The following VPS13B variants were observed in gnomAD, a reference collection of about 807,000 sequenced individuals.
VPS13B encodes vacuolar protein sorting 13 homolog B, also known as intermembrane lipid transfer protein VPS13B.
In VPS13B, 285 loss-of-function variants were observed where a neutral mutation model predicts 426.4. The ratio of observed to expected loss-of-function variants is 0.67; its 90% CI spans 0.61 to 0.74. The LOEUF (loss-of-function observed/expected upper bound fraction) is 0.74, where lower values mean the gene tolerates loss of function less well. Among genes scored for constraint, VPS13B ranks in the 30% least tolerant of loss-of-function variants. The probability of loss-of-function intolerance (pLI) is 0.00; values close to 1 mark genes in which losing one functional copy is unlikely to be tolerated. For missense variants in VPS13B, 4,537 were observed against 4,782.6 expected, an observed-to-expected ratio of 0.95 and a Z score of 1.51; for synonymous variants, 1,676 against 1,676.4, an observed-to-expected ratio of 1.00 and a Z score of 0.01.
chr8:99,820,216 G>C (rs538681874), intron 49 of VPS13B, 94 bp downstream of exon 49: 2 of 1,281,888 alleles, frequency 1.6e-6, no homozygotes, highest in Non-Finnish European at 2.2e-6. Context: ...GAATGAATCA[G>C]TTGTGAAAAA....
At chr8:99,729,974 CAA>C (rs1240958121) in intron 39 of VPS13B, among the ~76,000 whole-genome samples, 1 of 152,206 alleles carries the variant, frequency 6.6e-6, no homozygotes, top group Non-Finnish European at 1.5e-5. Context: ...GATGGCACTA[CAA>C]AAAGAGAATC....
chr8:99,209,810 A>G (rs539491605), intron 17 of VPS13B: 2 of 817,848 alleles, frequency 2.4e-6, no homozygotes, highest in Non-Finnish European at 3.0e-6. Flanking sequence ...GAGAAATTAC[A>G]TTTGAAATAG....
At chr8:99,129,478 G>A (rs1809632187) in intron 8 of VPS13B, among the ~76,000 whole-genome samples, 1 of 147,830 alleles carries the variant, frequency 6.8e-6, no homozygotes, top group Admixed American at 6.8e-5. Context: ...TGAAGTGGGA[G>A]TATTGCTTGA....
intron 43 of VPS13B, among the ~76,000 whole-genome samples, chr8:99,809,135 G>A (rs1445995476): frequency 6.6e-6 from 1 of 152,120 alleles, no homozygotes; most frequent in African/African-American, 2.4e-5. Context: ...CATTTGATAG[G>A]AAAATTATTT....
At chr8:99,510,815 C>A (rs1178871292) in intron 28 of VPS13B, among the ~76,000 whole-genome samples, 1 of 152,062 alleles carries the variant, frequency 6.6e-6, no homozygotes, top group Admixed American at 6.6e-5. Flanking sequence ...GCCTCAAATT[C>A]TTAATGTTAC....
At chr8:99,096,226 A>G in intron 3 of VPS13B, 86 bp from the exon 4 acceptor site, 1 of 1,488,906 alleles carries the variant, frequency 6.7e-7, no homozygotes, top group Non-Finnish European at 9.2e-7. Context: ...TGTAGCTACC[A>G]TAAACTGCAT....
chr8:99,430,216 T>A (rs1185816801), intron 21 of VPS13B, among the ~76,000 whole-genome samples: 1 of 152,174 alleles, frequency 6.6e-6, no homozygotes, highest in Non-Finnish European at 1.5e-5. Context: ...TAAGGTATTT[T>A]AAATATGGTA....
At chr8:99,835,436 TAATG>T in intron 53 of VPS13B, 99 bp from the exon 54 acceptor site, 1 of 1,497,788 alleles carries the variant, frequency 6.7e-7, no homozygotes, top group Non-Finnish European at 9.2e-7. Context: ...ATAAAAGCAT[TAATG>T]ATCTCTTTTT....
chr8:99,312,268 G>A (rs1354298984), intron 19 of VPS13B, among the ~76,000 whole-genome samples: 1 of 152,122 alleles, frequency 6.6e-6, no homozygotes, highest in African/African-American at 2.4e-5. Flanking sequence ...TAGCCTCGAT[G>A]GTCTTTACAA....
intron 33 of VPS13B, among the ~76,000 whole-genome samples, chr8:99,588,721 G>A (rs999514776): frequency 4.0e-5 from 6 of 151,700 alleles, no homozygotes; most frequent in South Asian, 2.1e-4. Flanking sequence ...GGGCTGAGAC[G>A]ATGGGGTTTT....
chr8:99,711,822 A>AT (rs1210237542), intron 36 of VPS13B, among the ~76,000 whole-genome samples: 1 of 152,226 alleles, frequency 6.6e-6, no homozygotes, highest in Non-Finnish European at 1.5e-5. Flanking sequence ...CTTTATCTTC[A>AT]TATACCCAAT....
Position 99,254,931 on chromosome 8 carries a change from T to C in VPS13B, c.2516-19267T>C, listed in dbSNP as rs186980728. Among the ~76,000 whole-genome samples the C allele has an allele frequency of 5.3e-5, 8 of 152,258 alleles. No homozygotes were observed. In the East Asian group the frequency reaches 1.5e-3, roughly 29 times the overall value. On this transcript the variant is annotated intron_variant, in intron 17 of 61. Transcript: ENST00000357162. Reference sequence around the variant, plus strand: ...GTGCTGGGATTACAGAGCCACTCTTTTTTGAAGTACATTTTCTGTTTCATC... The same window carrying C: ...GTGCTGGGATTACAGAGCCACTCTTCTTTGAAGTACATTTTCTGTTTCATC...
intron 25 of VPS13B, among the ~76,000 whole-genome samples, chr8:99,495,171 GTCT>G (rs1476014841): frequency 2.0e-5 from 3 of 152,206 alleles, no homozygotes; most frequent in Admixed American, 1.3e-4. Flanking sequence ...TCTAAACATA[GTCT>G]TCTTCATAAT....
chr8:99,784,599 A>G (rs1411230127), intron 43 of VPS13B, 123 bp downstream of exon 43: 4 of 1,311,578 alleles, frequency 3.0e-6, no homozygotes, highest in Non-Finnish European at 4.3e-6. Context: ...CAGCGTAGCT[A>G]CATCTGACGG....
intron 19 of VPS13B, among the ~76,000 whole-genome samples, chr8:99,367,285 A>C (rs887417406): frequency 2.0e-5 from 3 of 152,190 alleles, no homozygotes; most frequent in African/African-American, 4.8e-5. Context: ...TTCTAGGGTA[A>C]AAGGTTTTTC....
chr8:99,570,906 A>T (rs1825440206), intron 31 of VPS13B, among the ~76,000 whole-genome samples: 1 of 152,186 alleles, frequency 6.6e-6, no homozygotes, highest in South Asian at 2.1e-4. Flanking sequence ...AGGACCACCC[A>T]GGTAATATAA....
chr8:99,378,289 GC>G (rs749184295), intron 19 of VPS13B, among the ~76,000 whole-genome samples: 1 of 152,062 alleles, frequency 6.6e-6, no homozygotes, highest in Non-Finnish European at 1.5e-5. Flanking sequence ...AGACTTTAAG[GC>G]TATCTCTCTT....
chr8:99,699,976 T>C (rs751685688), intron 36 of VPS13B, 44 bp downstream of exon 36: 14 of 1,597,252 alleles, frequency 8.8e-6, no homozygotes, highest in South Asian at 1.1e-5. Flanking sequence ...ACAAGTAAGA[T>C]GATTTGTTAA....
intron 19 of VPS13B, among the ~76,000 whole-genome samples, chr8:99,377,308 A>G (rs929200587): frequency 3.5e-4 from 54 of 152,272 alleles, no homozygotes; most frequent in African/African-American, 1.3e-3. Flanking sequence ...CGAGCCCAAT[A>G]AGACATATGC....
Sources: allele counts gnomAD v4.1 joint callset (sites outside exome capture counted in the v4.1 genomes callset), GRCh38; gene constraint gnomAD v4.1.1; transcripts MANE v1.5; gene names NCBI Gene and HGNC (gene_info 2026-07-23, HGNC 2026-07-21).